TMC1: variants seen among roughly 807,000 people sequenced by gnomAD.
TMC1 encodes transmembrane channel-like protein 1.
A neutral mutation model predicts 105.8 loss-of-function variants in TMC1; 84 were observed. The observed-to-expected ratio is 0.79, with a 90% CI of 0.67 to 0.95. The LOEUF is 0.95. Ranked by LOEUF, TMC1 falls within the 40% of genes least tolerant of loss-of-function variation. TMC1 has a pLI of 0.00. For synonymous variants in TMC1, 315 were observed against 311.5 expected (o/e 1.01, Z -0.12); for missense variants, 817 against 914.1 (o/e 0.89, Z 1.37).
chr9:72,622,770 G>C (rs906689038), intron 3 of TMC1, among the ~76,000 whole-genome samples: 2 of 152,088 alleles, frequency 1.3e-5, no homozygotes, highest in Admixed American at 1.3e-4. Context: ...CGTTTTATTG[G>C]CTGGGTGTGG....
rs375264737 is a variant in TMC1 at position 72,791,962 on chromosome 9, A to G, written c.1301A>G (p.His434Arg). The change falls in exon 16 of 24, where the codon CAT becomes CGT. Residue 434 changes from histidine to arginine, a missense_variant. His to Arg is a conservative substitution (Grantham distance 29, BLOSUM62 0). Transcript: ENST00000297784. ...FDLFAELEDY[H>R]PLIALKWLLG... ...TTATTTGCTGAATTAGAAGACTACC[A>G]TCCTCTCATCGCTTTGAAATGGCTA... is the stretch of plus-strand genomic sequence containing the variant. The G allele has an allele frequency of 6.2e-7, 1 of 1,613,884 alleles. No homozygotes were observed. Among genetic ancestry groups the G allele is most frequent in the Non-Finnish European group, 8.5e-7 (1 of 1,179,824 alleles).
rs189683839 is a variant in TMC1, at chr9:72,772,975, C to A, written c.884+420C>A. 3.4e-3 allele frequency among the ~76,000 whole-genome samples: 512 copies of A among 152,092 alleles called. 3 individuals are homozygous for A. Among genetic ancestry groups the A allele is most frequent in the African/African-American group, 0.011 (477 of 41,496 alleles). On this transcript the variant is annotated intron_variant, in intron 13 of 23. Transcript: ENST00000297784. ...GTTCTCTGCTCATTTTTTAAAAAAA[C>A]CAGAATAATCACTCATTCAAAAAAT...
chr9:72,681,963 C>T (rs1403245010), intron 5 of TMC1, among the ~76,000 whole-genome samples: 2 of 152,024 alleles, frequency 1.3e-5, no homozygotes, highest in Non-Finnish European at 1.5e-5. Flanking sequence ...CCTAAAGAGT[C>T]TCAGAAAATG....
intron 8 of TMC1, among the ~76,000 whole-genome samples, chr9:72,735,542 T>C (rs1307579673): frequency 6.6e-6 from 1 of 152,230 alleles, no homozygotes; most frequent in Non-Finnish European, 1.5e-5. Flanking sequence ...TTTATCTTCA[T>C]ATGAGATTTG....
chr9:72,703,422 C>T (rs1826679208), intron 8 of TMC1, among the ~76,000 whole-genome samples: 1 of 152,204 alleles, frequency 6.6e-6, no homozygotes, highest in South Asian at 2.1e-4. Flanking sequence ...CCACTGCACC[C>T]AGCCTCAATC....
At chr9:72,754,943 A>G (rs1260313652) in intron 12 of TMC1, 59 bp downstream of exon 12, 4 of 1,365,328 alleles carry the variant, frequency 2.9e-6, no homozygotes, top group Non-Finnish European at 4.2e-6. Context: ...AGTTTATTTT[A>G]TTCTGAAACC....
intron 18 of TMC1, chr9:72,808,760 C>T (rs1828644360): frequency 6.6e-6 from 1 of 152,250 alleles, no homozygotes; most frequent in African/African-American, 2.4e-5. Flanking sequence ...AGTAATGCTT[C>T]TCTCCTCACC....
intron 5 of TMC1, among the ~76,000 whole-genome samples, chr9:72,669,759 A>G (rs1480684620): frequency 6.6e-6 from 1 of 152,170 alleles, no homozygotes; most frequent in Non-Finnish European, 1.5e-5. Flanking sequence ...AGTTAGCACA[A>G]ATAGATTTCT....
intron 1 of TMC1, among the ~76,000 whole-genome samples, chr9:72,556,248 C>T (rs1301532516): frequency 2.0e-5 from 3 of 151,520 alleles, no homozygotes; most frequent in African/African-American, 4.8e-5. Flanking sequence ...TCCTGAGTAG[C>T]TGGGATTACA....
intron 17 of TMC1, among the ~76,000 whole-genome samples, chr9:72,797,154 T>C (rs887510871): frequency 1.3e-5 from 2 of 152,104 alleles, no homozygotes; most frequent in African/African-American, 4.8e-5. Flanking sequence ...AGAATGCAGC[T>C]AACAAGGGAA....
intron 6 of TMC1, among the ~76,000 whole-genome samples, chr9:72,692,992 C>G (rs1478446981): frequency 1.3e-5 from 2 of 151,874 alleles, no homozygotes; most frequent in African/African-American, 2.4e-5. Flanking sequence ...TGATGGCGCA[C>G]ACCTGTATTC....
chr9:72,733,088 G>C (rs761009102), intron 8 of TMC1, among the ~76,000 whole-genome samples: 1 of 152,112 alleles, frequency 6.6e-6, no homozygotes, highest in Admixed American at 6.5e-5. Context: ...AATTTAATAC[G>C]ATGTTGTCCA....
chr9:72,693,204 A>G (rs1564494818), intron 6 of TMC1, among the ~76,000 whole-genome samples: 1 of 152,088 alleles, frequency 6.6e-6, no homozygotes, highest in Non-Finnish European at 1.5e-5. Flanking sequence ...TAGATCTTAT[A>G]CCTGAAATAT....
intron 5 of TMC1, among the ~76,000 whole-genome samples, chr9:72,686,481 G>T (rs926412686): frequency 2.9e-4 from 44 of 152,160 alleles, no homozygotes; most frequent in African/African-American, 1.1e-3. Flanking sequence ...AGTTGAAGGA[G>T]ATATAGGCCA....
At chr9:72,721,316 G>A (rs1450499026) in intron 8 of TMC1, among the ~76,000 whole-genome samples, 1 of 152,058 alleles carries the variant, frequency 6.6e-6, no homozygotes, top group African/African-American at 2.4e-5. Context: ...AAAAATCTGG[G>A]AACAGACTTG....
intron 3 of TMC1, among the ~76,000 whole-genome samples, chr9:72,624,463 GCCATTCACTA>G (rs1825311454): frequency 2.0e-5 from 3 of 152,196 alleles, no homozygotes; most frequent in African/African-American, 7.2e-5. Context: ...AAATGGCCAA[GCCATTCACTA>G]CTGCTTAGAA....
At chr9:72,638,610 C>T (rs1368826915) in intron 4 of TMC1, among the ~76,000 whole-genome samples, 1 of 152,140 alleles carries the variant, frequency 6.6e-6, no homozygotes, top group South Asian at 2.1e-4. Flanking sequence ...GTGTTCATTG[C>T]CTTGCTTGGA....
At chr9:72,673,768 G>T (rs1826160887) in intron 5 of TMC1, among the ~76,000 whole-genome samples, 1 of 152,124 alleles carries the variant, frequency 6.6e-6, no homozygotes, top group South Asian at 2.1e-4. Context: ...AAGAAATTAA[G>T]TTGATAGTTA....
chr9:72,546,120 T>TAA (rs560076398), intron 1 of TMC1, among the ~76,000 whole-genome samples: 2 of 134,896 alleles, frequency 1.5e-5, no homozygotes, highest in Admixed American at 7.5e-5. Context: ...CCAGCTCTAC[T>TAA]AAAAAAAAAA....
Sources: allele counts gnomAD v4.1 joint callset (sites outside exome capture counted in the v4.1 genomes callset), GRCh38; gene constraint gnomAD v4.1.1; transcripts MANE v1.5; gene names NCBI Gene and HGNC (gene_info 2026-07-23, HGNC 2026-07-21).